The following ENOX1 variants were observed in gnomAD, a reference collection of about 807,000 sequenced individuals.
The protein encoded by ENOX1 is ecto-NOX disulfide-thiol exchanger 1.
A neutral mutation model predicts 82.5 loss-of-function variants in ENOX1; 42 were observed. That is an observed-to-expected ratio of 0.51 (90% CI 0.40 to 0.66). ENOX1 has a LOEUF of 0.66. Among genes scored for constraint, ENOX1 ranks in the 30% least tolerant of loss-of-function variants. The probability of loss-of-function intolerance (pLI) is 0.00; values close to 1 mark genes in which losing one functional copy is unlikely to be tolerated. For missense variants in ENOX1, 608 were observed against 811.6 expected, an observed-to-expected ratio of 0.75 and a Z score of 3.05; for synonymous variants, 271 against 282.2, an observed-to-expected ratio of 0.96 and a Z score of 0.40.
At chr13:43,442,669 G>C (rs2153623693) in intron 3 of ENOX1, among the ~76,000 whole-genome samples, 1 of 152,256 alleles carries the variant, frequency 6.6e-6, no homozygotes, top group Admixed American at 6.5e-5. Flanking sequence ...TGGACAATAA[G>C]TGTTTCACTG....
At chr13:43,609,584 A>T (rs1211016642) in intron 2 of ENOX1, among the ~76,000 whole-genome samples, 1 of 152,242 alleles carries the variant, frequency 6.6e-6, no homozygotes, top group Admixed American at 6.5e-5. Flanking sequence ...TTCAAATCTA[A>T]AAGGCAAAGC....
rs549302844 is a variant in ENOX1 at position 43,627,354 on chromosome 13, C to T, written c.-219+40125G>A. On this transcript the variant is annotated intron_variant, in intron 2 of 16. Transcript: ENST00000690772. ...TTCATCTCTGTTTTTTCTTGTGTTC[C>T]AAGTAAGTTAATCATTTTAGAATTC... Among the ~76,000 whole-genome samples, 14 of 151,780 alleles carry T rather than the reference C, an allele frequency of 9.2e-5. No homozygotes were observed. The South Asian group carries it at 2.3e-3, about 25-fold the overall frequency.
At chr13:43,734,199 G>GGTTGTTGTTGTT (rs143259339) in intron 1 of ENOX1, among the ~76,000 whole-genome samples, 15 of 150,998 alleles carry the variant, frequency 9.9e-5, no homozygotes, top group African/African-American at 3.7e-4. Flanking sequence ...TTTTGTTGTT[G>GGTTGTTGTTGTT]GTTGTTGTTG....
intron 7 of ENOX1, among the ~76,000 whole-genome samples, chr13:43,358,246 T>C (rs535081290): frequency 2.8e-4 from 43 of 152,194 alleles, no homozygotes; most frequent in Non-Finnish European, 6.3e-4. Flanking sequence ...TCTGATTTAC[T>C]CTAACCTTCT....
intron 12 of ENOX1, among the ~76,000 whole-genome samples, chr13:43,287,152 C>T (rs2045743909): frequency 6.6e-6 from 1 of 152,148 alleles, no homozygotes; most frequent in African/African-American, 2.4e-5. Context: ...AGTCACATAC[C>T]CCTGAGTTGT....
Position 43,223,040 on chromosome 13 carries a change from G to C in ENOX1, c.1800+1013C>G, listed in dbSNP as rs971896107. On this transcript the variant is annotated intron_variant, in intron 16 of 16. Transcript: ENST00000690772. ...TTAGATCCATTTAAGAGGTTAAACA[G>C]TTTTGGGATCATGTATTGGGAAGAT... 3.3e-5 allele frequency among the ~76,000 whole-genome samples: 5 copies of C among 152,150 alleles called. No homozygotes were observed. The East Asian group carries it at 9.6e-4, about 29-fold the overall frequency.
At chr13:43,424,188 A>G (rs1057508276) in intron 3 of ENOX1, among the ~76,000 whole-genome samples, 1 of 152,246 alleles carries the variant, frequency 6.6e-6, no homozygotes, top group Non-Finnish European at 1.5e-5. Flanking sequence ...GATACACAGA[A>G]AGCAATTTCT....
chr13:43,601,535 A>G (rs2081722737), intron 2 of ENOX1, among the ~76,000 whole-genome samples: 1 of 152,122 alleles, frequency 6.6e-6, no homozygotes, highest in Non-Finnish European at 1.5e-5. Context: ...GCATGCCTAC[A>G]AGGTCTGGAA....
chr13:43,589,117 T>A (rs2081121456), intron 2 of ENOX1, among the ~76,000 whole-genome samples: 1 of 142,212 alleles, frequency 7.0e-6, no homozygotes, highest in South Asian at 2.3e-4. Context: ...AGATGAAACC[T>A]ACAAACTAAA....
chr13:43,242,067 C>A (rs1370682494), intron 14 of ENOX1, among the ~76,000 whole-genome samples: 2 of 152,150 alleles, frequency 1.3e-5, no homozygotes, highest in Non-Finnish European at 2.9e-5. Flanking sequence ...TACATGTTGT[C>A]CACCTGTGTC....
chr13:43,606,163 T>C (rs2081967751), intron 2 of ENOX1, among the ~76,000 whole-genome samples: 1 of 152,164 alleles, frequency 6.6e-6, no homozygotes, highest in Non-Finnish European at 1.5e-5. Flanking sequence ...CAATAGTAGA[T>C]GTTTGCAAGG....
chr13:43,779,229 G>C (rs760432029), intron 1 of ENOX1, among the ~76,000 whole-genome samples: 1 of 149,376 alleles, frequency 6.7e-6, no homozygotes, highest in Non-Finnish European at 1.5e-5. Context: ...ATCTTACGTT[G>C]AAGAAGCCAA....
chr13:43,540,189 T>C, intron 2 of ENOX1, among the ~76,000 whole-genome samples: 1 of 152,238 alleles, frequency 6.6e-6, no homozygotes, highest in East Asian at 1.9e-4. Flanking sequence ...CATCTTAGCA[T>C]CTACTCAGCT....
At chr13:43,349,253 ACT>A (rs1353136806) in intron 8 of ENOX1, among the ~76,000 whole-genome samples, 6 of 152,206 alleles carry the variant, frequency 3.9e-5, no homozygotes, top group African/African-American at 1.4e-4. Context: ...AGTCATTATC[ACT>A]GGCAATGAAA....
At chr13:43,389,655 T>G (rs1017801898) in intron 5 of ENOX1, among the ~76,000 whole-genome samples, 4 of 152,198 alleles carry the variant, frequency 2.6e-5, no homozygotes, top group African/African-American at 9.7e-5. Flanking sequence ...ATATTATTGA[T>G]AGTCCCATTT....
chr13:43,591,174 A>G (rs535612726), intron 2 of ENOX1, among the ~76,000 whole-genome samples: 91 of 152,372 alleles, frequency 6.0e-4, no homozygotes, highest in African/African-American at 2.1e-3. Flanking sequence ...TCTTACAGAT[A>G]TATAAGGTCT....
chr13:43,751,460 T>C (rs1251703618), intron 1 of ENOX1, among the ~76,000 whole-genome samples: 1 of 152,208 alleles, frequency 6.6e-6, no homozygotes, highest in Non-Finnish European at 1.5e-5. Context: ...TGTGAAACCA[T>C]CATCACAATC....
intron 5 of ENOX1, among the ~76,000 whole-genome samples, chr13:43,397,182 G>A (rs868186333): frequency 4.6e-5 from 7 of 152,206 alleles, no homozygotes; most frequent in African/African-American, 1.2e-4. Flanking sequence ...TGAAATCATC[G>A]TTTTCCTCTA....
intron 10 of ENOX1, among the ~76,000 whole-genome samples, chr13:43,324,911 C>T (rs2153529052): frequency 6.6e-6 from 1 of 152,292 alleles, no homozygotes; most frequent in Admixed American, 6.5e-5. Flanking sequence ...TAATGATGGC[C>T]TTTTTATGCT....
Sources: gnomAD v4.1 joint callset for allele counts (sites outside exome capture counted in the v4.1 genomes callset) on GRCh38, gnomAD v4.1.1 for gene constraint, MANE v1.5 for transcripts, NCBI Gene and HGNC (gene_info 2026-07-23, HGNC 2026-07-21) for gene names.